The following PODXL2 variants were observed in gnomAD, a reference collection of about 807,000 sequenced individuals.
PODXL2 encodes the protein podocalyxin like 2.
Under a neutral mutation model 53.4 loss-of-function variants are expected in PODXL2, and 17 were observed. The observed-to-expected ratio is 0.32, with a 90% CI of 0.22 to 0.48. The LOEUF (loss-of-function observed/expected upper bound fraction) is 0.48, where lower values mean the gene tolerates loss of function less well. PODXL2 is among the 20% of genes least tolerant of loss of function. The pLI is 0.99. For synonymous variants in PODXL2, 311 were observed against 306.7 expected (o/e 1.01, Z -0.15); for missense variants, 673 against 760.0 (o/e 0.89, Z 1.35).
intron 6 of PODXL2, among the ~76,000 whole-genome samples, chr3:127,669,473 ACAGT>A (rs2074816962): frequency 6.6e-6 from 1 of 152,100 alleles, no homozygotes; most frequent in African/African-American, 2.4e-5. Context: ...TAAGAGGCTG[ACAGT>A]CAGGAGAGGG....
At chr3:127,662,798 C>T (rs940630423) in intron 4 of PODXL2, among the ~76,000 whole-genome samples, 8 of 152,104 alleles carry the variant, frequency 5.3e-5, no homozygotes, top group Admixed American at 2.0e-4. Context: ...CTGGCTGGGC[C>T]GTATCACTTA....
At chr3:127,644,554 C>G (rs1010859379) in intron 2 of PODXL2, among the ~76,000 whole-genome samples, 1 of 152,194 alleles carries the variant, frequency 6.6e-6, no homozygotes, top group Non-Finnish European at 1.5e-5. Flanking sequence ...GTGGAGGGCC[C>G]TGAAGCCTTG....
Position 127,662,142 on chromosome 3 carries a change from T to C in PODXL2, c.1132-95T>C, listed in dbSNP as rs2074771813. The C allele has an allele frequency of 8.6e-6, 9 of 1,045,850 alleles. No homozygotes were observed. In the South Asian group the frequency reaches 1.1e-4, roughly 12 times the overall value. The allele number at this position is 1,045,850 out of a possible 1,614,324, so 64.8% of individuals were successfully genotyped here. ...AATACGCCTCCACTGGCCTCCACCTTCCAGCTTCCCAAAAGGCCTCCGACC... is the reference window on the plus strand; with the variant it reads ...AATACGCCTCCACTGGCCTCCACCTCCCAGCTTCCCAAAAGGCCTCCGACC... On this transcript the variant is annotated intron_variant, in intron 3 of 7. Transcript: ENST00000342480.
chr3:127,649,260 C>T (rs2074674447), intron 2 of PODXL2, among the ~76,000 whole-genome samples: 1 of 152,258 alleles, frequency 6.6e-6, no homozygotes, highest in African/African-American at 2.4e-5. Flanking sequence ...GCCATGGTCT[C>T]CCAGTATAAG....
chr3:127,667,990 T>C (rs1301648001), intron 4 of PODXL2, among the ~76,000 whole-genome samples: 1 of 152,100 alleles, frequency 6.6e-6, no homozygotes, highest in Non-Finnish European at 1.5e-5. Flanking sequence ...CACCCGCCCA[T>C]GTGTTCATCC....
chr3:127,657,290 C>T (rs1358124701), intron 2 of PODXL2, among the ~76,000 whole-genome samples: 1 of 152,198 alleles, frequency 6.6e-6, no homozygotes, highest in Non-Finnish European at 1.5e-5. Flanking sequence ...CCTCCCAGGA[C>T]TTCCCCACCC....
At chr3:127,649,373 G>T (rs1279550570) in intron 2 of PODXL2, among the ~76,000 whole-genome samples, 2 of 152,230 alleles carry the variant, frequency 1.3e-5, no homozygotes, top group African/African-American at 4.8e-5. Flanking sequence ...AAAGCCACAT[G>T]ACTGTGAGCG....
intron 2 of PODXL2, among the ~76,000 whole-genome samples, chr3:127,653,310 C>A (rs2074700914): frequency 6.6e-6 from 1 of 152,186 alleles, no homozygotes; most frequent in East Asian, 1.9e-4. Context: ...TGTTTCTATT[C>A]CCCTCTTGAC....
At chr3:127,646,838 C>T (rs551166005) in intron 2 of PODXL2, among the ~76,000 whole-genome samples, 6 of 152,258 alleles carry the variant, frequency 3.9e-5, no homozygotes, top group African/African-American at 1.2e-4. Context: ...GTGGCAGAGC[C>T]GAATCTGGAG....
intron 6 of PODXL2, among the ~76,000 whole-genome samples, 193 bp downstream of exon 6, chr3:127,669,395 C>G (rs1281364982): frequency 7.1e-6 from 1 of 140,928 alleles, no homozygotes; most frequent in African/African-American, 2.7e-5. Flanking sequence ...GTGCATGCTA[C>G]CAACCAAAGG....
chr3:127,638,024 C>A (rs899835678), intron 1 of PODXL2, among the ~76,000 whole-genome samples: 6 of 152,176 alleles, frequency 3.9e-5, no homozygotes, highest in Non-Finnish European at 5.9e-5. Flanking sequence ...AAGAGGAAGA[C>A]TGTGAAATTC....
intron 1 of PODXL2, among the ~76,000 whole-genome samples, chr3:127,635,803 T>C (rs1203792386): frequency 1.3e-5 from 2 of 152,246 alleles, no homozygotes; most frequent in African/African-American, 4.8e-5. Flanking sequence ...ATTTAGCTCA[T>C]GATTCTGTAG....
intron 2 of PODXL2, among the ~76,000 whole-genome samples, chr3:127,656,560 C>T (rs985939127): frequency 6.6e-6 from 1 of 151,826 alleles, no homozygotes; most frequent in African/African-American, 2.4e-5. Flanking sequence ...CATGGTGAAA[C>T]CCTGTCTCTA....
At chr3:127,645,774 T>C (rs1168288499) in intron 2 of PODXL2, among the ~76,000 whole-genome samples, 1 of 152,172 alleles carries the variant, frequency 6.6e-6, no homozygotes, top group African/African-American at 2.4e-5. Flanking sequence ...CAGGCTGGTG[T>C]AGGAGGCAGC....
chr3:127,660,011 T>G (rs1487461625), intron 2 of PODXL2, among the ~76,000 whole-genome samples: 4 of 152,112 alleles, frequency 2.6e-5, no homozygotes, highest in Non-Finnish European at 5.9e-5. Flanking sequence ...CCTAGTGGGT[T>G]GTTGTGGGAT....
intron 1 of PODXL2, among the ~76,000 whole-genome samples, chr3:127,637,363 C>T (rs1426420503): frequency 6.6e-6 from 1 of 152,146 alleles, no homozygotes. Flanking sequence ...ATACCATGGT[C>T]TCTTTTAAAT....
At chr3:127,661,352 T>C (rs554962879) in intron 3 of PODXL2, among the ~76,000 whole-genome samples, 193 bp downstream of exon 3, 10 of 152,262 alleles carry the variant, frequency 6.6e-5, no homozygotes, top group African/African-American at 2.2e-4. Flanking sequence ...CCCACACTTC[T>C]GTGCAAAGGC....
chr3:127,648,836 A>T (rs918087507), intron 2 of PODXL2, among the ~76,000 whole-genome samples: 5 of 132,470 alleles, frequency 3.8e-5, no homozygotes, highest in African/African-American at 1.5e-4. Flanking sequence ...TCTGTCGACC[A>T]GGCTGGAGTG....
At chr3:127,644,588 C>G (rs1448122944) in intron 2 of PODXL2, among the ~76,000 whole-genome samples, 1 of 152,186 alleles carries the variant, frequency 6.6e-6, no homozygotes. Flanking sequence ...GTTGTCCTCC[C>G]CCCTCCCCAG....
Sources: allele counts gnomAD v4.1 joint callset (sites outside exome capture counted in the v4.1 genomes callset), GRCh38; gene constraint gnomAD v4.1.1; transcripts MANE v1.5; gene names NCBI Gene and HGNC (gene_info 2026-07-23, HGNC 2026-07-21).